LINGO2: variants seen among roughly 807,000 people sequenced by gnomAD.
The protein encoded by LINGO2 is leucine-rich repeat and immunoglobulin-like domain-containing nogo receptor-interacting protein 2.
LINGO2 carries 14 observed loss-of-function variants against 30.6 expected under a neutral mutation model. The observed-to-expected ratio is 0.46, with a 90% confidence interval of 0.30 to 0.72. LINGO2 has a LOEUF of 0.72. LINGO2 is among the 30% of genes least tolerant of loss of function. The pLI, the probability that LINGO2 is intolerant of heterozygous loss-of-function variation, is 0.07. For missense variants in LINGO2, 729 were observed against 751.7 expected (o/e 0.97, Z 0.35); for synonymous variants, 317 against 288.5 (o/e 1.10, Z -1.00).
rs1461972873 is a variant in LINGO2, at chr9:28,329,324, A to T, written c.-245-33958T>A. On this transcript the variant is annotated intron_variant, in intron 3 of 5. Coordinates refer to ENST00000379992, the Ensembl canonical transcript of LINGO2. The surrounding 1 kb of genome is among the most constrained non-coding windows in gnomAD (Gnocchi z 4.5). ...AAAGCAGAGCTTCTTATTTCCCTGTATCTGACAAATACTCCCTTCAAAGCA... is the reference window on the plus strand; with the variant it reads ...AAAGCAGAGCTTCTTATTTCCCTGTTTCTGACAAATACTCCCTTCAAAGCA... Among the ~76,000 whole-genome samples, 2 of 152,134 alleles carry T rather than the reference A, an allele frequency of 1.3e-5. No individual in the cohort carries two copies. Among genetic ancestry groups the T allele is most frequent in the African/African-American group, 2.4e-5 (1 of 41,404 alleles).
intron 4 of LINGO2, among the ~76,000 whole-genome samples, chr9:28,247,250 G>A (rs1374709139): frequency 6.6e-6 from 1 of 152,140 alleles, no homozygotes; most frequent in South Asian, 2.1e-4. Context: ...CCATTACTGG[G>A]TATATACCCA....
chr9:28,193,058 T>G lies in LINGO2; in HGVS notation c.-87+102150A>C, dbSNP rs560576444. On this transcript the variant is annotated intron_variant, in intron 4 of 5. Coordinates refer to ENST00000379992, the Ensembl canonical transcript of LINGO2. ...TGATGGTTACTGACATAGTACAAAT[T>G]TAATTTATTCCTAGAGGAATCAAGA... 4.6e-5 allele frequency among the ~76,000 whole-genome samples: 7 copies of G among 152,270 alleles called. No individual in the cohort carries two copies. The South Asian group carries it at 1.4e-3, about 32-fold the overall frequency.
At chr9:28,216,044 C>A (rs1820756407) in intron 4 of LINGO2, among the ~76,000 whole-genome samples, 1 of 151,742 alleles carries the variant, frequency 6.6e-6, no homozygotes, top group Admixed American at 6.6e-5. Context: ...TTGACATTAC[C>A]CCTGTCTGGT....
At chr9:28,827,394 T>C in the LINGO2 span, among the ~76,000 whole-genome samples, 1 of 152,208 alleles carries the variant, frequency 6.6e-6, no homozygotes, top group Non-Finnish European at 1.5e-5. Context: ...GATGGGTTCA[T>C]CTAGGTTCAC....
chr9:28,117,763 T>C (rs1041033740), intron 4 of LINGO2, among the ~76,000 whole-genome samples: 1 of 148,852 alleles, frequency 6.7e-6, no homozygotes, highest in Admixed American at 6.7e-5. Flanking sequence ...CTTGCCCTGC[T>C]TCGGCTCGCG....
intron 2 of LINGO2, among the ~76,000 whole-genome samples, chr9:28,427,314 C>G (rs1028308378): frequency 1.3e-5 from 2 of 152,080 alleles, no homozygotes; most frequent in African/African-American, 4.8e-5. Context: ...AGTGGTCCAG[C>G]CCACCTGCTC....
chr9:28,860,296 A>C, the LINGO2 span, among the ~76,000 whole-genome samples: 3 of 152,112 alleles, frequency 2.0e-5, no homozygotes, highest in South Asian at 6.2e-4. Context: ...TTTTTGGAAG[A>C]GAATAACATC....
intron 4 of LINGO2, among the ~76,000 whole-genome samples, chr9:28,082,144 C>T (rs1165741568): frequency 6.6e-6 from 1 of 152,136 alleles, no homozygotes; most frequent in African/African-American, 2.4e-5. Context: ...GGGTAGTCTT[C>T]TGTCACCTTG....
chr9:28,332,501 C>T (rs976003172), intron 3 of LINGO2, among the ~76,000 whole-genome samples: 7 of 151,782 alleles, frequency 4.6e-5, no homozygotes, highest in Non-Finnish European at 1.0e-4. Flanking sequence ...AAATTTCTTA[C>T]AAGGACACTT....
At chr9:29,014,493 A>G in the LINGO2 span, among the ~76,000 whole-genome samples, 1 of 152,164 alleles carries the variant, frequency 6.6e-6, no homozygotes, top group Non-Finnish European at 1.5e-5. Flanking sequence ...AACTCACTTT[A>G]TAACACTATG....
chr9:28,536,419 A>C (rs1821438868), intron 1 of LINGO2, among the ~76,000 whole-genome samples: 1 of 152,142 alleles, frequency 6.6e-6, no homozygotes, highest in African/African-American at 2.4e-5. Flanking sequence ...AGTTAAAAGC[A>C]AAAGTAAAAT....
the LINGO2 span, among the ~76,000 whole-genome samples, chr9:29,142,200 A>T: frequency 6.6e-6 from 1 of 151,898 alleles, no homozygotes; most frequent in Non-Finnish European, 1.5e-5. Flanking sequence ...AAATCATACC[A>T]AGTTTCTTTT....
At chr9:28,946,094 G>A in the LINGO2 span, among the ~76,000 whole-genome samples, 1 of 152,144 alleles carries the variant, frequency 6.6e-6, no homozygotes, top group Non-Finnish European at 1.5e-5. Flanking sequence ...CACCAGTAAT[G>A]TTCTAAGAAC....
At chr9:29,048,360 T>A in the LINGO2 span, among the ~76,000 whole-genome samples, 47 of 151,380 alleles carry the variant, frequency 3.1e-4, no homozygotes, top group African/African-American at 1.1e-3. Context: ...TGTTCATGGA[T>A]CGGAAGAAAA....
At chr9:27,962,931 TA>T (rs1477603837) in intron 5 of LINGO2, among the ~76,000 whole-genome samples, 1 of 152,196 alleles carries the variant, frequency 6.6e-6, no homozygotes, top group Non-Finnish European at 1.5e-5. Flanking sequence ...TAAAGTTGGA[TA>T]TTTTTATACT....
intron 4 of LINGO2, among the ~76,000 whole-genome samples, chr9:28,276,714 C>G (rs1239391234): frequency 2.0e-5 from 3 of 152,152 alleles, no homozygotes; most frequent in Non-Finnish European, 4.4e-5. Context: ...ATTATATTAT[C>G]TAGTGATTAA....
chr9:28,056,557 G>A (rs1824948543), intron 4 of LINGO2, among the ~76,000 whole-genome samples: 2 of 152,080 alleles, frequency 1.3e-5, no homozygotes, highest in African/African-American at 4.8e-5. Flanking sequence ...ATACAGCTCA[G>A]ACCTGAATAC....
At chr9:28,529,439 G>A (rs1821147451) in intron 1 of LINGO2, among the ~76,000 whole-genome samples, 2 of 152,066 alleles carry the variant, frequency 1.3e-5, no homozygotes, top group South Asian at 4.2e-4. Context: ...ATTTATATCT[G>A]TTATCCCTTA....
chr9:29,180,430 T>A, the LINGO2 span, among the ~76,000 whole-genome samples: 4 of 152,208 alleles, frequency 2.6e-5, no homozygotes, highest in Non-Finnish European at 5.9e-5. Flanking sequence ...CTTACAGACA[T>A]TATCCTGGTT....
Sources: allele counts gnomAD v4.1 joint callset (sites outside exome capture counted in the v4.1 genomes callset), GRCh38; gene constraint gnomAD v4.1.1; non-coding constraint Gnocchi (gnomAD v3.1); transcripts MANE v1.5; gene names NCBI Gene and HGNC (gene_info 2026-07-23, HGNC 2026-07-21).